Variants in SIL1 observed in about 807,000 individuals in gnomAD.
SIL1 encodes SIL1 nucleotide exchange factor, also known as nucleotide exchange factor SIL1.
In SIL1, 40 loss-of-function variants were observed where a neutral mutation model predicts 49.1. The observed-to-expected ratio is 0.81, with a 90% CI of 0.63 to 1.06. SIL1 has a LOEUF of 1.06. SIL1 is among the 50% of genes least tolerant of loss of function. The pLI is 0.00. For synonymous variants in SIL1, 253 were observed against 250.8 expected (o/e 1.01, Z -0.08); for missense variants, 500 against 572.6 (o/e 0.87, Z 1.29).
chr5:139,169,842 C>CTT (rs1751702470), intron 1 of SIL1, among the ~76,000 whole-genome samples: 4 of 151,690 alleles, frequency 2.6e-5, no homozygotes, highest in Non-Finnish European at 5.9e-5. Context: ...CCCTCTCCCT[C>CTT]TCCCCACGGT....
At chr5:139,067,134 C>G (rs557038027) in intron 3 of SIL1, among the ~76,000 whole-genome samples, 21 of 152,210 alleles carry the variant, frequency 1.4e-4, no homozygotes, top group Non-Finnish European at 7.3e-5. Context: ...ACAATTTCCT[C>G]TTTCTGAAAT....
chr5:138,979,483 A>C (rs972552425), intron 7 of SIL1, among the ~76,000 whole-genome samples: 1 of 152,174 alleles, frequency 6.6e-6, no homozygotes, highest in Non-Finnish European at 1.5e-5. Context: ...TGCCTGGCAC[A>C]TAATAGGTAG....
chr5:139,100,923 A>T (rs1770572937), intron 3 of SIL1, among the ~76,000 whole-genome samples: 1 of 148,126 alleles, frequency 6.8e-6, no homozygotes, highest in Non-Finnish European at 1.5e-5. Context: ...GGTTGGAGAT[A>T]AAAAAAAAAC....
At chr5:138,959,925 G>A (rs2150383943) in intron 7 of SIL1, among the ~76,000 whole-genome samples, 1 of 152,348 alleles carries the variant, frequency 6.6e-6, no homozygotes, top group East Asian at 1.9e-4. Flanking sequence ...ATCTTCTGAT[G>A]AGCCAGGGGG....
intron 7 of SIL1, among the ~76,000 whole-genome samples, chr5:138,964,627 C>T (rs1003565202): frequency 6.6e-6 from 1 of 152,140 alleles, no homozygotes; most frequent in Admixed American, 6.5e-5. Context: ...GAAAAAGTTA[C>T]ACTCGTAAAA....
intron 1 of SIL1, among the ~76,000 whole-genome samples, chr5:139,151,349 AC>A (rs1412955776): frequency 6.6e-6 from 1 of 152,192 alleles, no homozygotes; most frequent in Non-Finnish European, 1.5e-5. Context: ...TGCTGGGAAC[AC>A]ACAGGCATGC....
At chr5:139,113,939 A>C (rs1238674764) in intron 3 of SIL1, among the ~76,000 whole-genome samples, 1 of 152,208 alleles carries the variant, frequency 6.6e-6, no homozygotes, top group African/African-American at 2.4e-5. Context: ...CACTCTGCTC[A>C]GCACTCCTGA....
At chr5:138,985,016 G>A (rs1767622810) in intron 7 of SIL1, among the ~76,000 whole-genome samples, 1 of 152,226 alleles carries the variant, frequency 6.6e-6, no homozygotes, top group Admixed American at 6.5e-5. Context: ...AGGGGCCGAG[G>A]TAATGGCAGG....
At chr5:138,977,791 A>C (rs1260051886) in intron 7 of SIL1, among the ~76,000 whole-genome samples, 1 of 152,072 alleles carries the variant, frequency 6.6e-6, no homozygotes. Flanking sequence ...ACCTCTTCTT[A>C]GTCTTTCTTT....
At chr5:139,055,949 A>G (rs1159710402) in intron 3 of SIL1, among the ~76,000 whole-genome samples, 1 of 152,080 alleles carries the variant, frequency 6.6e-6, no homozygotes, top group Non-Finnish European at 1.5e-5. Context: ...CCGGGATTGC[A>G]GACAGAGTCT....
intron 1 of SIL1, among the ~76,000 whole-genome samples, chr5:139,135,475 G>T (rs1750955315): frequency 6.6e-6 from 1 of 152,214 alleles, no homozygotes; most frequent in Non-Finnish European, 1.5e-5. Context: ...GAGAACAGTG[G>T]CAGTACAGAT....
At chr5:139,101,152 C>T (rs995545015) in intron 3 of SIL1, among the ~76,000 whole-genome samples, 9 of 151,962 alleles carry the variant, frequency 5.9e-5, no homozygotes, top group African/African-American at 1.9e-4. Flanking sequence ...CTCTGGATTC[C>T]CTAACTCTCA....
chr5:138,951,155 G>A lies in SIL1; in HGVS notation c.1029+16C>T, dbSNP rs375601708. 1.2e-5 allele frequency: 20 copies of A among 1,609,806 alleles called. No homozygotes were observed. The highest frequency in any genetic ancestry group is 1.5e-5 in the Non-Finnish European group (18 of 1,178,088). On this transcript the variant is annotated intron_variant, in intron 9 of 9. Coordinates refer to ENST00000394817, the MANE Select transcript of SIL1 (RefSeq NM_022464.5). ...CAAAGCAAACAAGAGGAGACTGGGT[G>A]GGCCTGGGCACTCACCTTCTCCGTG...
intron 7 of SIL1, among the ~76,000 whole-genome samples, chr5:138,964,435 A>G (rs1011125953): frequency 6.6e-6 from 1 of 152,242 alleles, no homozygotes; most frequent in Non-Finnish European, 1.5e-5. Context: ...TGACAAGATC[A>G]AAAGTTATTA....
At chr5:139,115,688 C>T (rs930872405) in intron 3 of SIL1, among the ~76,000 whole-genome samples, 3 of 152,190 alleles carry the variant, frequency 2.0e-5, no homozygotes, top group Non-Finnish European at 4.4e-5. Context: ...TCCCTACCCC[C>T]ACTCCAATAT....
chr5:139,196,647 G>A (rs556876264), intron 1 of SIL1: 1 of 152,308 alleles, frequency 6.6e-6, no homozygotes, highest in African/African-American at 2.4e-5. Flanking sequence ...GGAGCAGAAC[G>A]TCTCTTCTAT....
intron 3 of SIL1, among the ~76,000 whole-genome samples, chr5:139,113,569 T>TTATAGATCAATATAACTTA: frequency 6.6e-6 from 1 of 152,150 alleles, no homozygotes; most frequent in Non-Finnish European, 1.5e-5. Context: ...CTCTATCTAG[T>TTATAGATCAATATAACTTA]GAAGTACTGT....
At chr5:138,970,064 C>T (rs1230609749) in intron 7 of SIL1, among the ~76,000 whole-genome samples, 1 of 152,222 alleles carries the variant, frequency 6.6e-6, no homozygotes, top group East Asian at 1.9e-4. Flanking sequence ...TGAGGTATTC[C>T]GATAAATGCC....
At chr5:138,978,870 T>G (rs1767449130) in intron 7 of SIL1, among the ~76,000 whole-genome samples, 1 of 152,182 alleles carries the variant, frequency 6.6e-6, no homozygotes, top group Admixed American at 6.5e-5. Context: ...TTGGGTTGTC[T>G]TTTTATTGTT....
Sources: gnomAD v4.1 joint callset for allele counts (sites outside exome capture counted in the v4.1 genomes callset) on GRCh38, gnomAD v4.1.1 for gene constraint, MANE v1.5 for transcripts, NCBI Gene and HGNC (gene_info 2026-07-23, HGNC 2026-07-21) for gene names.